Variants in WLS observed in about 807,000 individuals in gnomAD.
The protein encoded by WLS is protein wntless homolog.
In WLS, 23 loss-of-function variants were observed where a neutral mutation model predicts 62.8. That is an observed-to-expected ratio of 0.37 (90% CI 0.26 to 0.52). The LOEUF (loss-of-function observed/expected upper bound fraction) is 0.52. Among genes scored for constraint, WLS ranks in the 20% least tolerant of loss-of-function variants. WLS has a pLI of 0.92. For synonymous variants in WLS, 246 were observed against 244.1 expected, an observed-to-expected ratio of 1.01 and a Z score of -0.07; for missense variants, 615 against 697.3, an observed-to-expected ratio of 0.88 and a Z score of 1.33.
intron 3 of WLS, 96 bp downstream of exon 3, chr1:68,159,027 T>A (rs531662924): frequency 4.0e-6 from 6 of 1,510,902 alleles, no homozygotes; most frequent in East Asian, 2.3e-5. Flanking sequence ...GCTGTCCTCA[T>A]GCGAAGAAGG....
chr1:68,185,470 T>A (rs1647873423), intron 2 of WLS, among the ~76,000 whole-genome samples: 1 of 152,126 alleles, frequency 6.6e-6, no homozygotes, highest in South Asian at 2.1e-4. Context: ...AGCCATATAG[T>A]AGGGGGTAAG....
intron 11 of WLS, among the ~76,000 whole-genome samples, chr1:68,118,901 A>AAAAAAAAAAAAAAAC (rs1646330579): frequency 2.1e-5 from 3 of 140,746 alleles, no homozygotes; most frequent in Non-Finnish European, 3.1e-5. Context: ...AAAAAAAAAA[A>AAAAAAAAAAAAAAAC]AGCACCTGGC....
At chr1:68,193,751 AAAT>A in intron 2 of WLS, 1 of 616,890 alleles carries the variant, frequency 1.6e-6, no homozygotes, top group Non-Finnish European at 2.7e-6. Context: ...CTGTAAAATG[AAAT>A]AATAAGACTA....
chr1:68,112,360 G>T (rs1646238752), intron 11 of WLS, among the ~76,000 whole-genome samples: 1 of 152,182 alleles, frequency 6.6e-6, no homozygotes, highest in Non-Finnish European at 1.5e-5. Flanking sequence ...CCCCATGGTT[G>T]CCTGAACCCA....
At chr1:68,104,202 A>T (rs1034248640) in intron 11 of WLS, among the ~76,000 whole-genome samples, 22 of 151,760 alleles carry the variant, frequency 1.4e-4, no homozygotes, top group Non-Finnish European at 3.2e-4. Flanking sequence ...TTAAAAAAAA[A>T]AGCAAAATCT....
At chr1:68,222,857 T>C (rs1017835350) in intron 1 of WLS, among the ~76,000 whole-genome samples, 4 of 128,928 alleles carry the variant, frequency 3.1e-5, no homozygotes, top group Non-Finnish European at 6.3e-5. Context: ...TAGGGTGGAA[T>C]CAAGTATCAT....
rs1255766142 is a variant in WLS, at chr1:68,205,098, T to TTAAA, written c.107-10872_107-10871insTTTA. On this transcript the variant is annotated intron_variant, in intron 1 of 11. Coordinates refer to ENST00000262348, the MANE Select transcript of WLS (RefSeq NM_024911.7). ...TCATTTTTTAAATGCCATAGTGGAT[T>TTAAA]AATCCTTGTCCCGCCTGTATCAAAG... Among the ~76,000 whole-genome samples the TTAAA allele has an allele frequency of 3.9e-5, 6 of 152,320 alleles. No homozygotes were observed. In the East Asian group the frequency reaches 1.2e-3, roughly 29 times the overall value.
intron 1 of WLS, among the ~76,000 whole-genome samples, chr1:68,220,117 GA>G (rs1205872791): frequency 1.3e-5 from 2 of 152,134 alleles, no homozygotes; most frequent in African/African-American, 2.4e-5. Flanking sequence ...TTAAAAAGAG[GA>G]AAAACAACCC....
intron 2 of WLS, among the ~76,000 whole-genome samples, chr1:68,187,189 C>CAAAAAAAAAA (rs34130992): frequency 3.8e-4 from 22 of 57,162 alleles, no homozygotes; most frequent in East Asian, 3.1e-3. Context: ...ACTCCATCTC[C>CAAAAAAAAAA]AAAAAAAAAA....
chr1:68,183,968 G>T (rs1647751538), intron 2 of WLS, among the ~76,000 whole-genome samples: 1 of 152,176 alleles, frequency 6.6e-6, no homozygotes, highest in African/African-American at 2.4e-5. Flanking sequence ...CTGGGTTCCA[G>T]TGTACAGCAC....
At chr1:68,102,742 A>C (rs1288703859) in intron 11 of WLS, 3 of 152,190 alleles carry the variant, frequency 2.0e-5, no homozygotes, top group African/African-American at 7.2e-5. Context: ...AAAGCCAAAA[A>C]TCATATGCCC....
chr1:68,174,464 G>A (rs936830610), intron 2 of WLS, among the ~76,000 whole-genome samples: 5 of 152,092 alleles, frequency 3.3e-5, no homozygotes, highest in South Asian at 4.2e-4. Context: ...ACTGCCACCC[G>A]GGGTTCCAGA....
intron 2 of WLS, among the ~76,000 whole-genome samples, chr1:68,172,452 A>G (rs1244469997): frequency 6.7e-6 from 1 of 149,512 alleles, no homozygotes; most frequent in Non-Finnish European, 1.5e-5. Context: ...GAGTGAAACA[A>G]TTAAACTTCT....
chr1:68,182,747 T>G (rs971473971), intron 2 of WLS, among the ~76,000 whole-genome samples: 1 of 152,164 alleles, frequency 6.6e-6, no homozygotes, highest in Admixed American at 6.5e-5. Context: ...TCAACTTGCC[T>G]TTTTTGGTGG....
At chr1:68,110,331 A>G (rs1170299320) in intron 11 of WLS, among the ~76,000 whole-genome samples, 2 of 152,250 alleles carry the variant, frequency 1.3e-5, no homozygotes, top group South Asian at 2.1e-4. Context: ...AAATGCCCAG[A>G]AAAATATAAC....
intron 11 of WLS, among the ~76,000 whole-genome samples, chr1:68,114,590 G>A (rs924633701): frequency 2.0e-4 from 31 of 152,258 alleles, no homozygotes; most frequent in Non-Finnish European, 3.4e-4. Context: ...GTTTTAATCC[G>A]TTTCATGCTA....
intron 4 of WLS, 122 bp from the exon 5 acceptor site, chr1:68,153,775 C>A (rs933910706): frequency 7.7e-7 from 1 of 1,305,044 alleles, no homozygotes. Flanking sequence ...CGATCAAGAG[C>A]TTTCACATTC....
intron 11 of WLS, among the ~76,000 whole-genome samples, chr1:68,129,408 G>A (rs1164796620): frequency 1.3e-5 from 2 of 152,182 alleles, no homozygotes; most frequent in Non-Finnish European, 2.9e-5. Flanking sequence ...TAAATTTATA[G>A]CATATAAATC....
chr1:68,145,767 T>G, intron 9 of WLS, 102 bp downstream of exon 9: 2 of 1,512,116 alleles, frequency 1.3e-6, no homozygotes, highest in Non-Finnish European at 8.8e-7. Flanking sequence ...CAATTTGTAT[T>G]TCAAAGTAAA....
Sources: allele counts gnomAD v4.1 joint callset (sites outside exome capture counted in the v4.1 genomes callset), GRCh38; gene constraint gnomAD v4.1.1; transcripts MANE v1.5; gene names NCBI Gene and HGNC (gene_info 2026-07-23, HGNC 2026-07-21).